DAB1: variants seen among roughly 807,000 people sequenced by gnomAD.
DAB1 encodes the protein disabled homolog 1.
Under a neutral mutation model 64.6 loss-of-function variants are expected in DAB1, and 15 were observed. The observed-to-expected ratio is 0.23, with a 90% CI of 0.16 to 0.36. The LOEUF (loss-of-function observed/expected upper bound fraction) is 0.36, where lower values mean the gene tolerates loss of function less well. Among genes scored for constraint, DAB1 ranks in the 10% least tolerant of loss-of-function variants. DAB1 has a pLI of 1.00. For synonymous variants in DAB1, 235 were observed against 251.9 expected, an observed-to-expected ratio of 0.93 and a Z score of 0.64; for missense variants, 596 against 706.7, an observed-to-expected ratio of 0.84 and a Z score of 1.78.
rs545684239 is a variant in DAB1, at chr1:58,032,044, T to G, written n.387+118467A>C. On this transcript the variant is annotated intron_variant and non_coding_transcript_variant, in intron 5 of 20. Coordinates refer to the DAB1 transcript ENST00000485760. ...TGTGTGTGTGTGTGTGTGTGTTTAA[T>G]CTGACCTTCTAAACTCTGCTTCTCA... Among the ~76,000 whole-genome samples, 5 of 141,292 alleles carry G rather than the reference T, an allele frequency of 3.5e-5. No homozygotes were observed. In the East Asian group the frequency reaches 1.0e-3, roughly 28 times the overall value. The allele number at this position is 141,292 out of a possible 152,430, so 92.7% of individuals were successfully genotyped here. A position where few individuals can be genotyped will look rare whatever the true frequency, so the allele number is the denominator to read the frequency against.
At chr1:57,297,841 A>G (rs1453521477) in intron 1 of DAB1, among the ~76,000 whole-genome samples, 1 of 152,262 alleles carries the variant, frequency 6.6e-6, no homozygotes, top group East Asian at 1.9e-4. Flanking sequence ...TGAGTTTAAA[A>G]TTATTTTATG....
chr1:58,097,807 T>C (rs1651078430), intron 5 of DAB1, among the ~76,000 whole-genome samples: 1 of 152,138 alleles, frequency 6.6e-6, no homozygotes, highest in Non-Finnish European at 1.5e-5. Flanking sequence ...CTGCCGCTAC[T>C]GTCTCTGTTT....
chr1:57,606,079 G>C (rs1570667480), intron 7 of DAB1: 1 of 545,550 alleles, frequency 1.8e-6, no homozygotes, highest in South Asian at 1.7e-5. Context: ...CTTTTCCTTT[G>C]CTCCTCTGAT....
At chr1:57,845,669 G>A (rs1445829593) in intron 1 of DAB1, among the ~76,000 whole-genome samples, 2 of 152,200 alleles carry the variant, frequency 1.3e-5, no homozygotes, top group Admixed American at 6.5e-5. Flanking sequence ...CTGCCACAGT[G>A]TCCCAGACAG....
intron 7 of DAB1, among the ~76,000 whole-genome samples, chr1:57,484,825 A>G (rs1644069060): frequency 6.6e-6 from 1 of 152,110 alleles, no homozygotes; most frequent in Non-Finnish European, 1.5e-5. Context: ...GAGAAAGAGA[A>G]TATTGGTTCT....
At chr1:57,641,930 A>G (rs1646135673) in intron 7 of DAB1, among the ~76,000 whole-genome samples, 1 of 152,134 alleles carries the variant, frequency 6.6e-6, no homozygotes, top group Non-Finnish European at 1.5e-5. Flanking sequence ...TTTCATCCAC[A>G]TAGGTCTGGG....
intron 2 of DAB1, among the ~76,000 whole-genome samples, chr1:57,290,055 G>A (rs1402947298): frequency 6.6e-6 from 1 of 152,218 alleles, no homozygotes; most frequent in Admixed American, 6.5e-5. Flanking sequence ...TAAGTGCTGA[G>A]ACTTAAAATG....
intron 8 of DAB1, among the ~76,000 whole-genome samples, chr1:57,064,815 C>T (rs1650743782): frequency 6.6e-6 from 1 of 152,198 alleles, no homozygotes; most frequent in African/African-American, 2.4e-5. Flanking sequence ...GCTGATCTTG[C>T]AAGCTTCACT....
intron 4 of DAB1, among the ~76,000 whole-genome samples, chr1:58,223,962 C>T (rs556433626): frequency 6.6e-6 from 1 of 152,314 alleles, no homozygotes; most frequent in Non-Finnish European, 1.5e-5. Flanking sequence ...TTTACCTTGG[C>T]CTATCTGCTC....
intron 5 of DAB1, among the ~76,000 whole-genome samples, chr1:58,144,405 G>C (rs1654474938): frequency 6.6e-6 from 1 of 152,174 alleles, no homozygotes; most frequent in Non-Finnish European, 1.5e-5. Flanking sequence ...TTTGTACAGT[G>C]CTTTACAGTT....
At chr1:58,504,230 G>A (rs1181816543) in intron 3 of DAB1, among the ~76,000 whole-genome samples, 1 of 152,196 alleles carries the variant, frequency 6.6e-6, no homozygotes, top group Non-Finnish European at 1.5e-5. Context: ...TGCGTGGTCT[G>A]GTCCCCTTTC....
At chr1:58,305,613 GAAAT>G (rs10565519) in intron 4 of DAB1, among the ~76,000 whole-genome samples, 35,766 of 151,896 alleles carry the variant, frequency 0.24, 4,946 homozygotes, top group East Asian at 0.34. Flanking sequence ...TGCATGCAAA[GAAAT>G]AAAGTTATCA....
intron 7 of DAB1, among the ~76,000 whole-genome samples, chr1:57,563,724 T>C (rs1645080959): frequency 6.6e-6 from 1 of 152,000 alleles, no homozygotes; most frequent in South Asian, 2.1e-4. Flanking sequence ...AACTGCAAGG[T>C]GGCAGCAAGG....
At chr1:57,101,043 G>A (rs1156382053) in intron 4 of DAB1, among the ~76,000 whole-genome samples, 2 of 152,142 alleles carry the variant, frequency 1.3e-5, no homozygotes, top group African/African-American at 4.8e-5. Flanking sequence ...CAGCAGCACA[G>A]TCAGGATTTG....
At chr1:57,770,213 T>C (rs762357654) in intron 6 of DAB1, among the ~76,000 whole-genome samples, 4 of 152,138 alleles carry the variant, frequency 2.6e-5, no homozygotes, top group Non-Finnish European at 2.9e-5. Flanking sequence ...ATCCCCATCA[T>C]TGGCCTCACA....
intron 7 of DAB1, among the ~76,000 whole-genome samples, chr1:57,504,982 A>G (rs1036487645): frequency 6.6e-6 from 1 of 152,216 alleles, no homozygotes; most frequent in Admixed American, 6.5e-5. Flanking sequence ...ACTTAAGAAG[A>G]CATGATGATG....
chr1:58,096,233 G>A (rs949870934), intron 5 of DAB1, among the ~76,000 whole-genome samples: 8 of 152,236 alleles, frequency 5.3e-5, no homozygotes, highest in African/African-American at 1.9e-4. Context: ...TGTGGTTGGT[G>A]TCTCTGCCTC....
intron 5 of DAB1, among the ~76,000 whole-genome samples, chr1:58,012,254 A>T (rs1646678646): frequency 6.6e-6 from 1 of 152,178 alleles, no homozygotes; most frequent in Non-Finnish European, 1.5e-5. Context: ...AGAAGTGACC[A>T]GAGTAATTGA....
At chr1:57,544,151 G>A (rs764528279) in intron 7 of DAB1, among the ~76,000 whole-genome samples, 1 of 152,120 alleles carries the variant, frequency 6.6e-6, no homozygotes, top group African/African-American at 2.4e-5. Flanking sequence ...TACACTTACA[G>A]AACTGGAAGG....
Sources: gnomAD v4.1 joint callset for allele counts (sites outside exome capture counted in the v4.1 genomes callset) on GRCh38, gnomAD v4.1.1 for gene constraint, MANE v1.5 for transcripts, NCBI Gene and HGNC (gene_info 2026-07-23, HGNC 2026-07-21) for gene names.